TRMT9B: variants seen among roughly 807,000 people sequenced by gnomAD.
TRMT9B encodes probable tRNA methyltransferase 9B.
Under a neutral mutation model 11.5 loss-of-function variants are expected in TRMT9B, and 16 were observed. That is an observed-to-expected ratio of 1.39 (90% CI 0.94 to 2.11). The LOEUF is 2.11. TRMT9B is among the 30% of genes most tolerant of loss of function. TRMT9B has a pLI of 0.00. For missense variants in TRMT9B, 941 were observed against 553.8 expected (o/e 1.70, Z -7.02); for synonymous variants, 274 against 192.4 (o/e 1.42, Z -3.51).
At chr8:13,002,124 G>A (rs1266458489) in intron 2 of TRMT9B, among the ~76,000 whole-genome samples, 6 of 152,048 alleles carry the variant, frequency 3.9e-5, no homozygotes, top group Non-Finnish European at 7.4e-5. Context: ...TATCTTTTAG[G>A]TTACCCGATG....
intron 1 of TRMT9B, among the ~76,000 whole-genome samples, chr8:12,970,835 T>C (rs2128868271): frequency 6.6e-6 from 1 of 152,314 alleles, no homozygotes; most frequent in South Asian, 2.1e-4. Context: ...GTTTGGGAAC[T>C]GTGATAAGAA....
At chr8:12,974,352 G>A (rs1187195402) in intron 1 of TRMT9B, among the ~76,000 whole-genome samples, 1 of 152,120 alleles carries the variant, frequency 6.6e-6, no homozygotes, top group Non-Finnish European at 1.5e-5. Flanking sequence ...GAGATGAGAA[G>A]TTTCAAATGG....
Position 12,990,851 on chromosome 8 carries a change from G to C in TRMT9B, c.-182G>C. On this transcript the variant is annotated 5_prime_UTR_variant, in exon 2 of 5. Transcript: ENST00000524591. ...CCTGATAGGGCCTGTGCTTCCTTCAGAGACTCACACAAGAGGTTTATCATG... is the reference window on the plus strand; with the variant it reads ...CCTGATAGGGCCTGTGCTTCCTTCACAGACTCACACAAGAGGTTTATCATG... 3 of 1,289,392 alleles carry C rather than the reference G, an allele frequency of 2.3e-6. No homozygotes were observed. The highest frequency in any genetic ancestry group is 2.1e-4 in the Middle Eastern group (1 of 4,688). The allele number at this position is 1,289,392 out of a possible 1,614,324, so 79.9% of individuals were successfully genotyped here.
At chr8:12,983,742 T>A (rs1233318633) in intron 1 of TRMT9B, among the ~76,000 whole-genome samples, 1 of 152,138 alleles carries the variant, frequency 6.6e-6, no homozygotes, top group South Asian at 2.1e-4. Flanking sequence ...TTTTGGTCCC[T>A]CAACTGCTTC....
intron 1 of TRMT9B, among the ~76,000 whole-genome samples, chr8:12,973,122 A>C (rs2128869400): frequency 6.6e-6 from 1 of 152,310 alleles, no homozygotes; most frequent in East Asian, 1.9e-4. Context: ...CACTGAGCAT[A>C]ATGTCTTCCG....
At chr8:12,969,533 T>A (rs969917872) in intron 1 of TRMT9B, among the ~76,000 whole-genome samples, 13 of 152,358 alleles carry the variant, frequency 8.5e-5, no homozygotes, top group Admixed American at 7.2e-4. Flanking sequence ...TTATTTTAAA[T>A]CATCTCTAGA....
In TRMT9B at chr8:13,023,718, A is replaced by G. The variant is rs1328945363; in HGVS notation, c.*1674A>G. 6.0e-6 allele frequency: 1 copy of G among 166,950 alleles called. No individual in the cohort carries two copies. The highest frequency in any genetic ancestry group is 6.5e-5 in the Admixed American group (1 of 15,288). 10.3% of individuals were successfully genotyped at this position (166,950 alleles called of 1,614,324 possible). A position where few individuals can be genotyped will look rare whatever the true frequency, so the allele number is the denominator to read the frequency against. On this transcript the variant is annotated 3_prime_UTR_variant, in exon 5 of 5. Coordinates refer to ENST00000524591, the MANE Select transcript of TRMT9B (RefSeq NM_020844.3). ...CAAATCTTGTTTTATTTTTTCCACTAAAAGTGACTAAAATAATAACGAATT... is the reference window on the plus strand; with the variant it reads ...CAAATCTTGTTTTATTTTTTCCACTGAAAGTGACTAAAATAATAACGAATT...
At chr8:13,009,695 T>A (rs1404554594) in intron 3 of TRMT9B, among the ~76,000 whole-genome samples, 2 of 152,218 alleles carry the variant, frequency 1.3e-5, no homozygotes, top group African/African-American at 4.8e-5. Context: ...TTGTTATACT[T>A]TTAATATATT....
chr8:12,997,305 A>G (rs537265388), intron 2 of TRMT9B, among the ~76,000 whole-genome samples: 1 of 148,622 alleles, frequency 6.7e-6, no homozygotes, highest in African/African-American at 2.4e-5. Context: ...TGGTTGTTTA[A>G]AGGAGCCTGG....
At chr8:12,980,636 C>T (rs919627734) in intron 1 of TRMT9B, among the ~76,000 whole-genome samples, 1 of 152,056 alleles carries the variant, frequency 6.6e-6, no homozygotes, top group South Asian at 2.1e-4. Context: ...GCACTAGTGC[C>T]AAAGCCTACC....
At chr8:12,993,412 CCTTTT>C (rs1807733165) in intron 2 of TRMT9B, among the ~76,000 whole-genome samples, 1 of 152,118 alleles carries the variant, frequency 6.6e-6, no homozygotes, top group Non-Finnish European at 1.5e-5. Context: ...TACGCAGTTA[CCTTTT>C]ACTGTAAGAA....
At chr8:12,994,045 C>T (rs958767930) in intron 2 of TRMT9B, among the ~76,000 whole-genome samples, 2 of 152,352 alleles carry the variant, frequency 1.3e-5, no homozygotes, top group East Asian at 3.9e-4. Context: ...GAATAACTGT[C>T]CGAGACTGGA....
intron 1 of TRMT9B, chr8:12,962,138 G>T (rs1802201499): frequency 6.6e-6 from 1 of 152,396 alleles, no homozygotes; most frequent in East Asian, 1.9e-4. Flanking sequence ...TCCTCTGCAG[G>T]AAGCTCTTGG....
At chr8:12,957,193 T>C (rs981440984) in intron 1 of TRMT9B, among the ~76,000 whole-genome samples, 1 of 152,184 alleles carries the variant, frequency 6.6e-6, no homozygotes, top group African/African-American at 2.4e-5. Context: ...TTGTTGATAT[T>C]TTTAATAGCA....
rs752364100 is a variant in TRMT9B, at chr8:13,021,645, G to A, written c.966G>A (p.Glu322=). ...AATCTTCTTCTGGAAAACACTTGGA[G>A]TGGCTGAGAGCACCAGGCACTCTGA... ...FVESSSGKHL[E]WLRAPGTLKH... is the part of the protein sequence containing the mutation. The change falls in exon 5 of 5, where the codon GAG becomes GAA. Residue 322 remains glutamate, a synonymous_variant. Coordinates refer to ENST00000524591, the MANE Select transcript of TRMT9B (RefSeq NM_020844.3). 23 of 1,613,850 alleles carry A rather than the reference G, an allele frequency of 1.4e-5. No homozygotes were observed. The highest frequency in any genetic ancestry group is 1.9e-5 in the Non-Finnish European group (23 of 1,179,818).
At chr8:12,982,164 C>A (rs887664925) in intron 1 of TRMT9B, among the ~76,000 whole-genome samples, 1 of 152,166 alleles carries the variant, frequency 6.6e-6, no homozygotes, top group Admixed American at 6.5e-5. Context: ...CCAGTTGTCC[C>A]TTTGAGATTT....
intron 1 of TRMT9B, among the ~76,000 whole-genome samples, chr8:12,977,979 C>A (rs1585173064): frequency 1.3e-5 from 2 of 152,064 alleles, no homozygotes; most frequent in Admixed American, 6.6e-5. Flanking sequence ...CAGTGAGCTG[C>A]GACTGTACCA....
intron 1 of TRMT9B, among the ~76,000 whole-genome samples, chr8:12,966,208 C>T (rs1366269617): frequency 6.6e-6 from 1 of 151,952 alleles, no homozygotes; most frequent in African/African-American, 2.4e-5. Flanking sequence ...TGACCCATAC[C>T]TCTGGTCCCA....
chr8:12,995,501 T>C lies in TRMT9B; in HGVS notation c.-2+4470T>C, dbSNP rs192518773. Among the ~76,000 whole-genome samples, 53 of 152,324 alleles carry C rather than the reference T, an allele frequency of 3.5e-4. 1 individual carries two copies. Among genetic ancestry groups the C allele is most frequent in the African/African-American group, 1.2e-3 (50 of 41,582 alleles). On this transcript the variant is annotated intron_variant, in intron 2 of 4. Coordinates refer to ENST00000524591, the MANE Select transcript of TRMT9B (RefSeq NM_020844.3). The stretch of plus-strand genomic sequence containing the variant: ...ATTTCTGGCTTTCTTTGCACTAACA[T>C]ATATGAACCGCATGATAATCACTCA...
Sources: allele counts gnomAD v4.1 joint callset (sites outside exome capture counted in the v4.1 genomes callset), GRCh38; gene constraint gnomAD v4.1.1; transcripts MANE v1.5; gene names NCBI Gene and HGNC (gene_info 2026-07-23, HGNC 2026-07-21).